Variants in OTUD7A observed in about 807,000 individuals in gnomAD.
The protein encoded by OTUD7A is OTU deubiquitinase 7A.
Under a neutral mutation model 65.7 loss-of-function variants are expected in OTUD7A, and 12 were observed. The ratio of observed to expected loss-of-function variants is 0.18; its 90% confidence interval spans 0.12 to 0.30. The LOEUF (loss-of-function observed/expected upper bound fraction) is 0.30. Among genes scored for constraint, OTUD7A ranks in the 10% least tolerant of loss-of-function variants. The pLI is 1.00. For synonymous variants in OTUD7A, 641 were observed against 586.3 expected (o/e 1.09, Z -1.35); for missense variants, 1,148 against 1,304.8 (o/e 0.88, Z 1.85).
At chr15:31,668,232 A>T (rs535696010) in intron 1 of OTUD7A, among the ~76,000 whole-genome samples, 3 of 152,150 alleles carry the variant, frequency 2.0e-5, no homozygotes, top group African/African-American at 7.2e-5. Flanking sequence ...ATTCCCCCCA[A>T]ATATATTTTT....
At chr15:31,649,797 C>G in intron 3 of OTUD7A, 3 of 436,950 alleles carry the variant, frequency 6.9e-6, no homozygotes, top group Middle Eastern at 7.4e-4. Context: ...CAGCAGCGAC[C>G]GGGCTCAGGA....
At chr15:31,592,971 A>G (rs1889793167) in intron 3 of OTUD7A, among the ~76,000 whole-genome samples, 1 of 140,558 alleles carries the variant, frequency 7.1e-6, no homozygotes, top group Admixed American at 7.3e-5. Context: ...ATGTATATAT[A>G]TATATATAGA....
intron 1 of OTUD7A, among the ~76,000 whole-genome samples, chr15:31,779,371 CAT>C (rs1307994070): frequency 2.6e-5 from 4 of 152,246 alleles, no homozygotes; most frequent in African/African-American, 7.2e-5. Flanking sequence ...ATCCAGGCAA[CAT>C]GTGCTTTTTA....
intron 1 of OTUD7A, among the ~76,000 whole-genome samples, chr15:31,659,473 G>A (rs1426111821): frequency 6.6e-6 from 1 of 152,210 alleles, no homozygotes; most frequent in African/African-American, 2.4e-5. Flanking sequence ...GAATCTAAGA[G>A]GGTGCAAAAA....
chr15:31,861,731 A>G (rs12914428), intron 1 of OTUD7A, among the ~76,000 whole-genome samples: 88,557 of 150,076 alleles, frequency 0.59, 26,208 homozygotes, highest in East Asian at 0.69. Flanking sequence ...TTTCCAAGGG[A>G]TTAAGTACAG....
rs1322446593 is a variant in OTUD7A at position 31,483,652 on chromosome 15, C to T, written c.2444G>A (p.Ser815Asn). The change falls in exon 13 of 13, where the codon AGC becomes AAC. Residue 815 changes from serine to asparagine, a missense_variant. Physicochemically the swap from Ser to Asn is conservative, Grantham distance 46 (BLOSUM62 1). Coordinates refer to ENST00000307050, the MANE Select transcript of OTUD7A (RefSeq NM_001382637.1). ...GGCGGCGGCGCGCGCCGGGCTGTAG[C>T]TCTGCGACGACAGCGAGCGGTTCTG... ...PQQNRSLSSQSYSPARAAALR... is the reference protein window; with the variant it reads ...PQQNRSLSSQNYSPARAAALR... The T allele has an allele frequency of 2.6e-6, 3 of 1,171,618 alleles. No homozygotes were observed. Among genetic ancestry groups the T allele is most frequent in the South Asian group, 8.1e-5 (2 of 24,646 alleles). 72.6% of individuals were successfully genotyped at this position (1,171,618 alleles called of 1,614,324 possible).
intron 1 of OTUD7A, among the ~76,000 whole-genome samples, chr15:31,827,864 G>A (rs1417188000): frequency 6.6e-6 from 1 of 151,948 alleles, no homozygotes; most frequent in Non-Finnish European, 1.5e-5. Context: ...AGGGGCGGGG[G>A]TTAGAGGTTG....
chr15:31,775,825 T>C (rs1047179944), intron 1 of OTUD7A, among the ~76,000 whole-genome samples: 1 of 152,210 alleles, frequency 6.6e-6, no homozygotes, highest in South Asian at 2.1e-4. Context: ...CTGAATCAGC[T>C]GAACCTGGGG....
intron 6 of OTUD7A, 115 bp from the exon 7 acceptor site, chr15:31,527,423 C>T: frequency 7.3e-7 from 1 of 1,361,742 alleles, no homozygotes; most frequent in Non-Finnish European, 1.0e-6. Context: ...GCACGCAGAA[C>T]AGCCTCCTTA....
chr15:31,731,387 C>A lies in OTUD7A; in HGVS notation c.-99-74310G>T, dbSNP rs1894038624. On this transcript the variant is annotated intron_variant, in intron 1 of 12. Coordinates refer to ENST00000307050, the MANE Select transcript of OTUD7A (RefSeq NM_001382637.1). ...ATACAGACAATAGAATATTATTCAG[C>A]ACTAAAAAGAAATGGGGTATAAGGC... is the stretch of plus-strand genomic sequence containing the variant. Among the ~76,000 whole-genome samples, 5 of 152,240 alleles carry A rather than the reference C, an allele frequency of 3.3e-5. No homozygotes were observed. The South Asian group carries it at 1.0e-3, about 32-fold the overall frequency.
rs1017720 is a variant in OTUD7A at position 31,476,326 on chromosome 15, C to T, written c.*6968G>A. The T allele has an allele frequency of 0.38, 57,518 of 152,164 alleles. 11,444 individuals are homozygous for T. Among genetic ancestry groups the T allele is most frequent in the African/African-American group, 0.51 (21,266 of 41,456 alleles). 9.4% of individuals were successfully genotyped at this position (152,164 alleles called of 1,614,324 possible). ...TTTCCTAGTTTTGGTCCTAAGTTAG[C>T]GGAGACAAGCTGCCCCACTCCCCAC... On this transcript the variant is annotated 3_prime_UTR_variant, in exon 13 of 13. Coordinates refer to ENST00000307050, the MANE Select transcript of OTUD7A (RefSeq NM_001382637.1).
intron 1 of OTUD7A, among the ~76,000 whole-genome samples, chr15:31,867,034 T>C (rs921404642): frequency 1.3e-5 from 2 of 152,204 alleles, no homozygotes; most frequent in East Asian, 1.9e-4. Context: ...AGAGGAGTCT[T>C]TGGTCTTCAG....
intron 1 of OTUD7A, among the ~76,000 whole-genome samples, chr15:31,811,743 A>G (rs568722375): frequency 1.6e-4 from 24 of 152,260 alleles, no homozygotes; most frequent in East Asian, 3.9e-4. Context: ...ACAGAGCACA[A>G]TGAGGTCTGC....
intron 3 of OTUD7A, among the ~76,000 whole-genome samples, chr15:31,597,018 G>A (rs1184747941): frequency 4.6e-5 from 7 of 152,014 alleles, no homozygotes; most frequent in Admixed American, 6.6e-5. Context: ...TCTGCTTCCC[G>A]GGCTCAAGTA....
chr15:31,602,389 C>G (rs143481103), intron 3 of OTUD7A, among the ~76,000 whole-genome samples: 1 of 152,048 alleles, frequency 6.6e-6, no homozygotes, highest in Non-Finnish European at 1.5e-5. Context: ...AAAAGGCCTT[C>G]GACAAAATTC....
intron 1 of OTUD7A, among the ~76,000 whole-genome samples, chr15:31,763,275 T>C (rs1895018391): frequency 6.6e-6 from 1 of 150,882 alleles, no homozygotes; most frequent in Non-Finnish European, 1.5e-5. Flanking sequence ...AGAGCGAGAC[T>C]CCATCTCAAC....
chr15:31,694,367 A>C (rs1483599962), intron 1 of OTUD7A, among the ~76,000 whole-genome samples: 20 of 152,182 alleles, frequency 1.3e-4, no homozygotes, highest in South Asian at 4.1e-4. Context: ...TCCCTGTCAT[A>C]ACACCCCTCC....
chr15:31,670,276 G>C (rs4456464), intron 1 of OTUD7A, among the ~76,000 whole-genome samples: 1 of 150,430 alleles, frequency 6.6e-6, no homozygotes, highest in Non-Finnish European at 1.5e-5. Context: ...AGAATGATTT[G>C]TATTCCTTTG....
At chr15:31,576,630 C>T (rs1476805410) in intron 3 of OTUD7A, among the ~76,000 whole-genome samples, 1 of 152,188 alleles carries the variant, frequency 6.6e-6, no homozygotes, top group Admixed American at 6.5e-5. Flanking sequence ...TGGGTACATG[C>T]ACTCAGGATC....
Sources: gnomAD v4.1 joint callset for allele counts (sites outside exome capture counted in the v4.1 genomes callset) on GRCh38, gnomAD v4.1.1 for gene constraint, MANE v1.5 for transcripts, NCBI Gene and HGNC (gene_info 2026-07-23, HGNC 2026-07-21) for gene names.